Variants in PARD3B observed in about 807,000 individuals in gnomAD.
The protein encoded by PARD3B is partitioning defective 3 homolog B.
In PARD3B, 103 loss-of-function variants were observed where a neutral mutation model predicts 130.2. The ratio of observed to expected loss-of-function variants is 0.79; its 90% CI spans 0.67 to 0.93. The LOEUF (loss-of-function observed/expected upper bound fraction) is 0.93, where lower values mean the gene tolerates loss of function less well. Among genes scored for constraint, PARD3B ranks in the 40% least tolerant of loss-of-function variants. The pLI, the probability that PARD3B is intolerant of heterozygous loss-of-function variation, is 0.00. For missense variants in PARD3B, 1,609 were observed against 1,499.2 expected, an observed-to-expected ratio of 1.07 and a Z score of -1.21; for synonymous variants, 583 against 553.2, an observed-to-expected ratio of 1.05 and a Z score of -0.76.
intron 20 of PARD3B, among the ~76,000 whole-genome samples, chr2:205,472,043 A>G (rs1190500688): frequency 1.3e-5 from 2 of 152,198 alleles, no homozygotes; most frequent in Admixed American, 1.3e-4. Flanking sequence ...TCTTTTGTTT[A>G]GCTGGGCTTC....
At chr2:204,652,733 T>TCTC (rs2035521764) in intron 1 of PARD3B, among the ~76,000 whole-genome samples, 1 of 145,364 alleles carries the variant, frequency 6.9e-6, no homozygotes, top group African/African-American at 2.8e-5. Flanking sequence ...CTGGGTAATT[T>TCTC]ATGAGCAAAA....
At chr2:205,541,623 C>T (rs1416936169) in intron 21 of PARD3B, among the ~76,000 whole-genome samples, 1 of 150,594 alleles carries the variant, frequency 6.6e-6, no homozygotes, top group Non-Finnish European at 1.5e-5. Context: ...GCTGGGATTA[C>T]AGGCGTGAGC....
At position 205,280,121 on chromosome 2, in the gene PARD3B, G is replaced by A. The variant is rs1025155747; in HGVS notation, c.2186-20409G>A. ...CTGTCTAAAGGTAGGAATAGCAGTT[G>A]CCATTCTCTGACATAAATAGCTCTC... On this transcript the variant is annotated intron_variant, in intron 16 of 22. Coordinates refer to ENST00000406610, the MANE Select transcript of PARD3B (RefSeq NM_001302769.2). This position sits in a 1 kb window ranked among gnomAD's most constrained non-coding sequence, Gnocchi z 4.7. 6.6e-6 allele frequency among the ~76,000 whole-genome samples: 1 copy of A among 152,132 alleles called. No homozygotes were observed. Among genetic ancestry groups the A allele is most frequent in the Admixed American group, 6.6e-5 (1 of 15,260 alleles).
At chr2:205,526,227 G>GTCA (rs1291162787) in intron 21 of PARD3B, among the ~76,000 whole-genome samples, 1 of 152,102 alleles carries the variant, frequency 6.6e-6, no homozygotes, top group Non-Finnish European at 1.5e-5. Flanking sequence ...TGTACCCATA[G>GTCA]TCACATCTGG....
At position 205,303,002 on chromosome 2, in the gene PARD3B, A is replaced by G. The variant is rs116357996; in HGVS notation, c.2630+1301A>G. On this transcript the variant is annotated intron_variant, in intron 18 of 22. Transcript: ENST00000406610. ...CAGCTTTGTTTCTTCTCTCCCCTTC[A>G]AGTATAAACTGTTGAGGCTGCCTCT... Among the ~76,000 whole-genome samples the G allele has an allele frequency of 7.4e-3, 1,131 of 152,176 alleles. 19 individuals are homozygous for G. Among genetic ancestry groups the G allele is most frequent in the African/African-American group, 0.026 (1,060 of 41,514 alleles).
chr2:205,171,836 T>C lies in PARD3B; in HGVS notation c.1621-375T>C, dbSNP rs147707680. Among the ~76,000 whole-genome samples, 379 of 152,360 alleles carry C rather than the reference T, an allele frequency of 2.5e-3. 2 individuals are homozygous for C. The highest frequency in any genetic ancestry group is 8.8e-3 in the African/African-American group (364 of 41,578). Reference sequence around the variant, plus strand: ...AAATTCTCCTTTCAAGAGTTGTGACTACCTCCTTTGGTTTCCAAACCCCCT... The same window carrying C: ...AAATTCTCCTTTCAAGAGTTGTGACCACCTCCTTTGGTTTCCAAACCCCCT... On this transcript the variant is annotated intron_variant, in intron 11 of 22. Transcript: ENST00000406610.
intron 2 of PARD3B, among the ~76,000 whole-genome samples, chr2:204,871,035 A>G (rs2045610409): frequency 6.6e-6 from 1 of 152,190 alleles, no homozygotes; most frequent in South Asian, 2.1e-4. Context: ...TTAATATATA[A>G]TCATACATAC....
chr2:205,288,874 T>A lies in PARD3B; in HGVS notation c.2186-11656T>A, dbSNP rs994131634. Among the ~76,000 whole-genome samples the A allele has an allele frequency of 9.2e-5, 14 of 152,214 alleles. No individual in the cohort carries two copies. The highest frequency in any genetic ancestry group is 4.6e-4 in the Admixed American group (7 of 15,276). On this transcript the variant is annotated intron_variant, in intron 16 of 22. Transcript: ENST00000406610. This position sits in a 1 kb window ranked among gnomAD's most constrained non-coding sequence, Gnocchi z 4.0. ...ACTGTGCTTTCTTTTCTCTGACTTC[T>A]GCAAGCCTAAAATACTCCAGCCCTT...
Position 205,463,438 on chromosome 2 carries a change from TA to T in PARD3B, c.3044+22787del, listed in dbSNP as rs35556760. 0.065 allele frequency among the ~76,000 whole-genome samples: 7,912 copies of T among 121,550 alleles called. 209 individuals are homozygous for T. Among genetic ancestry groups the T allele is most frequent in the Non-Finnish European group, 0.075 (4,227 of 56,030 alleles). 79.7% of individuals were successfully genotyped at this position (121,550 alleles called of 152,430 possible). A position where few individuals can be genotyped will look rare whatever the true frequency, so the allele number is the denominator to read the frequency against. ...AACATTTCACTGCACATTAATTCTT[TA>T]AAAAAAAAAAAAAAAAAAAACCTGT... is the stretch of plus-strand genomic sequence containing the variant. On this transcript the variant is annotated intron_variant, in intron 20 of 22. Coordinates refer to ENST00000406610, the MANE Select transcript of PARD3B (RefSeq NM_001302769.2). The surrounding 1 kb of genome is among the most constrained non-coding windows in gnomAD (Gnocchi z 4.8).
chr2:205,054,404 TTATATATATATA>T (rs1298451651), intron 4 of PARD3B, among the ~76,000 whole-genome samples: 4 of 33,828 alleles, frequency 1.2e-4, no homozygotes, highest in East Asian at 1.1e-3. Flanking sequence ...GACATGTCTT[TTATATATATATA>T]TATATATATA....
At chr2:205,375,501 C>T (rs2045008638) in intron 18 of PARD3B, among the ~76,000 whole-genome samples, 1 of 152,122 alleles carries the variant, frequency 6.6e-6, no homozygotes, top group South Asian at 2.1e-4. Flanking sequence ...AACACACACA[C>T]ATTTATACAT....
rs2033891969 is a variant in PARD3B, at chr2:204,610,760, G to A, written c.120+64641G>A. On this transcript the variant is annotated intron_variant, in intron 1 of 22. Coordinates refer to ENST00000406610, the MANE Select transcript of PARD3B (RefSeq NM_001302769.2). The surrounding 1 kb of genome is among the most constrained non-coding windows in gnomAD (Gnocchi z 4.1). ...AGAAACATCATCTCCCCACCTCTGA[G>A]CACCCTAAGAACAAATACATGGCCA... Among the ~76,000 whole-genome samples the A allele has an allele frequency of 2.6e-5, 4 of 152,090 alleles. No homozygotes were observed. The highest frequency in any genetic ancestry group is 4.4e-5 in the Non-Finnish European group (3 of 68,012).
Position 205,015,512 on chromosome 2 carries a change from A to G in PARD3B, c.395-32069A>G, listed in dbSNP as rs1421984215. Among the ~76,000 whole-genome samples, 2 of 152,184 alleles carry G rather than the reference A, an allele frequency of 1.3e-5. No individual in the cohort carries two copies. The highest frequency in any genetic ancestry group is 1.9e-4 in the East Asian group (1 of 5,196). ...AAGATAGGGATGATGTGTTATTCAT[A>G]TAGGTATAACCCAGTCTTGAGCTTC... is the stretch of plus-strand genomic sequence containing the variant. On this transcript the variant is annotated intron_variant, in intron 3 of 22. Coordinates refer to ENST00000406610, the MANE Select transcript of PARD3B (RefSeq NM_001302769.2). This position sits in a 1 kb window ranked among gnomAD's most constrained non-coding sequence, Gnocchi z 4.5.
chr2:204,633,094 C>G (rs1358944901), intron 1 of PARD3B, among the ~76,000 whole-genome samples: 1 of 152,092 alleles, frequency 6.6e-6, no homozygotes, highest in Non-Finnish European at 1.5e-5. Flanking sequence ...TGGATATATA[C>G]CTAGCAGTGA....
chr2:204,697,003 CT>C (rs1425597936), intron 2 of PARD3B, among the ~76,000 whole-genome samples: 2 of 151,996 alleles, frequency 1.3e-5, no homozygotes, highest in Admixed American at 1.3e-4. Context: ...CAATACTTAA[CT>C]ACAAACAGAC....
intron 3 of PARD3B, among the ~76,000 whole-genome samples, chr2:204,988,115 A>G (rs1045908476): frequency 1.3e-5 from 2 of 152,148 alleles, no homozygotes; most frequent in Non-Finnish European, 1.5e-5. Context: ...GAGAGAAAAA[A>G]GCTGAGACAA....
At chr2:205,109,430 G>C (rs1703463597) in intron 5 of PARD3B, among the ~76,000 whole-genome samples, 1 of 152,040 alleles carries the variant, frequency 6.6e-6, no homozygotes, top group African/African-American at 2.4e-5. Context: ...AGTATTTAAG[G>C]CTTTTTTAAG....
intron 4 of PARD3B, among the ~76,000 whole-genome samples, chr2:205,053,056 G>A (rs1181378664): frequency 6.6e-6 from 1 of 152,072 alleles, no homozygotes; most frequent in Non-Finnish European, 1.5e-5. Flanking sequence ...GGCTGCTAGT[G>A]AGAGTGCATT....
intron 2 of PARD3B, among the ~76,000 whole-genome samples, chr2:204,780,655 C>T (rs1248777639): frequency 6.6e-6 from 1 of 152,048 alleles, no homozygotes. Context: ...CTTAAGACTG[C>T]CATTTGGTAC....
Sources: allele counts gnomAD v4.1 joint callset (sites outside exome capture counted in the v4.1 genomes callset), GRCh38; gene constraint gnomAD v4.1.1; non-coding constraint Gnocchi (gnomAD v3.1); transcripts MANE v1.5; gene names NCBI Gene and HGNC (gene_info 2026-07-23, HGNC 2026-07-21).